The following FHIT variants were observed in gnomAD, a reference collection of about 807,000 sequenced individuals.
FHIT encodes bis(5'-adenosyl)-triphosphatase.
Under a neutral mutation model 17.9 loss-of-function variants are expected in FHIT, and 19 were observed. That is an observed-to-expected ratio of 1.06 (90% CI 0.74 to 1.56). The LOEUF (loss-of-function observed/expected upper bound fraction) is 1.56, where lower values mean the gene tolerates loss of function less well. Ranked by LOEUF, FHIT falls within the 40% of genes most tolerant of loss-of-function variation. FHIT has a pLI of 0.00. For missense variants in FHIT, 248 were observed against 189.2 expected (o/e 1.31, Z -1.82); for synonymous variants, 81 against 69.7 (o/e 1.16, Z -0.81).
chr3:60,965,267 G>A (rs1709665557), intron 3 of FHIT, among the ~76,000 whole-genome samples: 2 of 152,120 alleles, frequency 1.3e-5, no homozygotes, highest in Non-Finnish European at 2.9e-5. Context: ...CTCATGCCAT[G>A]GTTTTCAGCT....
chr3:60,334,635 A>G (rs1364089857), intron 5 of FHIT, among the ~76,000 whole-genome samples: 1 of 152,134 alleles, frequency 6.6e-6, no homozygotes, highest in Non-Finnish European at 1.5e-5. Flanking sequence ...AAAATACAAA[A>G]TATTAGCCAG....
intron 3 of FHIT, among the ~76,000 whole-genome samples, chr3:60,837,141 G>C (rs1416070179): frequency 6.6e-6 from 1 of 152,084 alleles, no homozygotes; most frequent in East Asian, 1.9e-4. Flanking sequence ...GAACTTCTAA[G>C]AAGGCACAGT....
intron 2 of FHIT, among the ~76,000 whole-genome samples, chr3:61,178,670 A>T (rs575221416): frequency 6.6e-6 from 1 of 152,168 alleles, no homozygotes; most frequent in South Asian, 2.1e-4. Context: ...AATTATAAAA[A>T]ATTGTCCACT....
At chr3:60,127,960 T>C (rs1705634448) in intron 5 of FHIT, among the ~76,000 whole-genome samples, 1 of 152,130 alleles carries the variant, frequency 6.6e-6, no homozygotes, top group African/African-American at 2.4e-5. Context: ...CCTTAGTAAG[T>C]TACACAAAGT....
rs778246269 is a variant in FHIT at position 60,201,392 on chromosome 3, G to A, written c.104-187240C>T. The stretch of plus-strand genomic sequence containing the variant: ...GATGGGGTCTCACTATACTGCCCAG[G>A]CTGGCCTTGAACTCCTAGGCTCAAG... On this transcript the variant is annotated intron_variant, in intron 5 of 9. Transcript: ENST00000492590. Among the ~76,000 whole-genome samples the A allele has an allele frequency of 2.0e-5, 3 of 152,066 alleles. No homozygotes were observed. In the South Asian group the frequency reaches 6.2e-4, roughly 32 times the overall value.
At chr3:60,843,631 G>A (rs1341915670) in intron 3 of FHIT, among the ~76,000 whole-genome samples, 3 of 152,132 alleles carry the variant, frequency 2.0e-5, no homozygotes, top group Non-Finnish European at 4.4e-5. Flanking sequence ...TGGATAACTA[G>A]AAAACTTACC....
intron 7 of FHIT, among the ~76,000 whole-genome samples, chr3:59,995,116 T>A (rs1010449828): frequency 6.6e-5 from 10 of 152,014 alleles, no homozygotes; most frequent in African/African-American, 2.4e-4. Flanking sequence ...TCACCTCTGT[T>A]CATCCCTTCT....
intron 3 of FHIT, among the ~76,000 whole-genome samples, chr3:61,038,934 G>A (rs1469607911): frequency 2.6e-5 from 4 of 152,180 alleles, no homozygotes; most frequent in Non-Finnish European, 5.9e-5. Context: ...CATAAGCCAT[G>A]GGCTCTGAAC....
At chr3:60,099,833 G>T (rs1704117993) in intron 5 of FHIT, among the ~76,000 whole-genome samples, 1 of 152,200 alleles carries the variant, frequency 6.6e-6, no homozygotes, top group Admixed American at 6.5e-5. Context: ...TACTGGGTAA[G>T]CTTCATGAAA....
intron 5 of FHIT, among the ~76,000 whole-genome samples, chr3:60,039,779 T>C (rs17257269): frequency 0.14 from 21,604 of 152,182 alleles, 1,785 homozygotes; most frequent in African/African-American, 0.21. Flanking sequence ...TGGAAGATCT[T>C]AGAACCAAAT....
At chr3:61,152,668 A>T (rs569522590) in intron 2 of FHIT, among the ~76,000 whole-genome samples, 66 of 152,180 alleles carry the variant, frequency 4.3e-4, no homozygotes, top group Admixed American at 6.6e-4. Flanking sequence ...AAACCACTGT[A>T]ATTATTCAGG....
At chr3:60,917,070 A>G (rs1553767270) in intron 3 of FHIT, among the ~76,000 whole-genome samples, 1 of 152,234 alleles carries the variant, frequency 6.6e-6, no homozygotes, top group African/African-American at 2.4e-5. Context: ...TTACTGGCTA[A>G]TTAGTCATTA....
chr3:60,749,524 C>T (rs1553716272), intron 4 of FHIT, among the ~76,000 whole-genome samples: 3 of 152,064 alleles, frequency 2.0e-5, no homozygotes, highest in Non-Finnish European at 2.9e-5. Flanking sequence ...AGTTATTGTG[C>T]GTCTGAAAGA....
intron 3 of FHIT, among the ~76,000 whole-genome samples, chr3:60,915,863 T>G (rs1377145722): frequency 6.6e-6 from 1 of 152,150 alleles, no homozygotes; most frequent in Non-Finnish European, 1.5e-5. Context: ...ATTTATAGCT[T>G]TTAAATAGAT....
chr3:60,132,019 G>T (rs891065170), intron 5 of FHIT, among the ~76,000 whole-genome samples: 1 of 152,130 alleles, frequency 6.6e-6, no homozygotes, highest in African/African-American at 2.4e-5. Flanking sequence ...TCTCAACCCA[G>T]AACCTTTACA....
intron 8 of FHIT, among the ~76,000 whole-genome samples, chr3:59,770,716 T>C (rs888746982): frequency 6.6e-6 from 1 of 152,162 alleles, no homozygotes; most frequent in Non-Finnish European, 1.5e-5. Flanking sequence ...CTAATACATA[T>C]ACTCTGGTTA....
intron 8 of FHIT, among the ~76,000 whole-genome samples, chr3:59,824,017 C>T (rs545299373): frequency 4.3e-4 from 65 of 152,326 alleles, no homozygotes; most frequent in African/African-American, 1.3e-3. Context: ...TAGAAATTAA[C>T]GTACACAAAT....
At chr3:60,878,057 C>A (rs1704752762) in intron 3 of FHIT, among the ~76,000 whole-genome samples, 1 of 152,144 alleles carries the variant, frequency 6.6e-6, no homozygotes, top group African/African-American at 2.4e-5. Flanking sequence ...ATAGCTGTAC[C>A]ATGCATGCTG....
At chr3:60,049,916 C>G (rs183489215) in intron 5 of FHIT, among the ~76,000 whole-genome samples, 457 of 152,222 alleles carry the variant, frequency 3.0e-3, no homozygotes, top group African/African-American at 0.01. Flanking sequence ...TCAAACAACC[C>G]TCCAAATTCC....
Sources: gnomAD v4.1 joint callset for allele counts (sites outside exome capture counted in the v4.1 genomes callset) on GRCh38, gnomAD v4.1.1 for gene constraint, MANE v1.5 for transcripts, NCBI Gene and HGNC (gene_info 2026-07-23, HGNC 2026-07-21) for gene names.